Variants in CRIM1 observed in about 807,000 individuals in gnomAD.
CRIM1 encodes cysteine rich transmembrane BMP regulator 1, also known as cysteine-rich motor neuron 1 protein.
In CRIM1, 32 loss-of-function variants were observed where a neutral mutation model predicts 116.4. The observed-to-expected ratio is 0.27, with a 90% CI of 0.21 to 0.37. The LOEUF is 0.37. Ranked by LOEUF, CRIM1 falls within the 10% of genes least tolerant of loss-of-function variation. The pLI is 1.00. For synonymous variants in CRIM1, 590 were observed against 509.2 expected, an observed-to-expected ratio of 1.16 and a Z score of -2.13; for missense variants, 1,331 against 1,354.8, an observed-to-expected ratio of 0.98 and a Z score of 0.28.
intron 7 of CRIM1, among the ~76,000 whole-genome samples, chr2:36,489,177 T>C (rs1572855248): frequency 6.6e-6 from 1 of 152,234 alleles, no homozygotes; most frequent in East Asian, 1.9e-4. Context: ...TGCCCGTGCC[T>C]GTGCCTTTGT....
intron 1 of CRIM1, among the ~76,000 whole-genome samples, chr2:36,371,328 A>G (rs916219740): frequency 6.7e-6 from 1 of 149,326 alleles, no homozygotes; most frequent in African/African-American, 2.4e-5. Context: ...ATACTGTGTT[A>G]GAGTTCACAT....
intron 7 of CRIM1, among the ~76,000 whole-genome samples, chr2:36,480,907 A>G (rs1044501442): frequency 1.3e-5 from 2 of 152,192 alleles, no homozygotes; most frequent in Non-Finnish European, 2.9e-5. Context: ...AAAAAAGAGC[A>G]TGTAGAAATA....
intron 8 of CRIM1, among the ~76,000 whole-genome samples, chr2:36,504,571 G>T (rs565844012): frequency 1.3e-3 from 197 of 152,232 alleles, no homozygotes; most frequent in Middle Eastern, 3.4e-3. Context: ...AGTACTCCAG[G>T]ACATACAGAA....
chr2:36,525,448 T>G (rs900448168), intron 13 of CRIM1, among the ~76,000 whole-genome samples: 1 of 152,160 alleles, frequency 6.6e-6, no homozygotes, highest in African/African-American at 2.4e-5. Context: ...CCAAAGGCAG[T>G]TGCCAGCTGT....
chr2:36,379,942 A>G (rs1419802594), intron 1 of CRIM1, among the ~76,000 whole-genome samples: 1 of 150,862 alleles, frequency 6.6e-6, no homozygotes, highest in East Asian at 1.9e-4. Flanking sequence ...GGAGGAATGT[A>G]GACATTTAGT....
At chr2:36,357,573 G>T (rs368642793) in intron 1 of CRIM1, among the ~76,000 whole-genome samples, 1 of 152,156 alleles carries the variant, frequency 6.6e-6, no homozygotes, top group Non-Finnish European at 1.5e-5. Flanking sequence ...CAGGGTGCCT[G>T]GTCTGGTTTG....
intron 2 of CRIM1, among the ~76,000 whole-genome samples, chr2:36,426,676 G>T (rs1174686571): frequency 6.6e-6 from 1 of 152,126 alleles, no homozygotes; most frequent in Non-Finnish European, 1.5e-5. Flanking sequence ...TTCACATTGA[G>T]CCAGTCCATC....
rs192383587 is a variant in CRIM1, at chr2:36,505,695, C to T, written c.1502-4288C>T. Among the ~76,000 whole-genome samples the T allele has an allele frequency of 1.8e-3, 179 of 102,044 alleles. 1 individual carries two copies. Among genetic ancestry groups the T allele is most frequent in the African/African-American group, 6.8e-3 (176 of 25,798 alleles). The allele number at this position is 102,044 out of a possible 152,430, so 66.9% of individuals were successfully genotyped here. On this transcript the variant is annotated intron_variant, in intron 8 of 16. Transcript: ENST00000280527. ...AGACCTAAAACATTTCTAATAGTAA[C>T]AATTAAAGTAAGCATGAGTTATATA...
chr2:36,362,065 C>A (rs138021380), intron 1 of CRIM1, among the ~76,000 whole-genome samples: 1 of 151,976 alleles, frequency 6.6e-6, no homozygotes, highest in African/African-American at 2.4e-5. Context: ...CTAGGGAGCC[C>A]GGGGACCTCT....
Position 36,512,365 on chromosome 2 carries a change from G to C in CRIM1, c.1751G>C (p.Ser584Thr), listed in dbSNP as rs751721801. Reference protein sequence around the residue: ...KICPLGFQQDSHGCLICKCRE... With the variant: ...KICPLGFQQDTHGCLICKCRE... ...TGCCCCTTGGGTTTCCAGCAGGACA[G>C]TCACGGCTGTCTTATCTGCAAGTGC... The change falls in exon 10 of 17, where the codon AGT (serine) becomes ACT (threonine). Residue 584 changes from serine to threonine, a missense_variant. This residue lies in a region of CRIM1 where 358 missense variants were observed against 436.1 expected (regional missense o/e 0.82). Coordinates refer to ENST00000280527, the MANE Select transcript of CRIM1 (RefSeq NM_016441.3). 1 of 1,613,608 alleles carries C rather than the reference G, an allele frequency of 6.2e-7. No individual in the cohort carries two copies. Among genetic ancestry groups the C allele is most frequent in the Non-Finnish European group, 8.5e-7 (1 of 1,179,556 alleles).
In CRIM1 at chr2:36,477,000, C is replaced by G. The variant is rs780101636; in HGVS notation, c.1103C>G (p.Thr368Ser). 6.2e-7 allele frequency: 1 copy of G among 1,613,712 alleles called. No homozygotes were observed. The highest frequency in any genetic ancestry group is 8.5e-7 in the Non-Finnish European group (1 of 1,179,672). ...CAAGGGGGCGTTGCCATCTGCTTCA[C>G]CGCCCAGTGTGGTGAGATAAACTGC... ...RCQGGVAICFTAQCGEINCER... is the reference protein window; with the variant it reads ...RCQGGVAICFSAQCGEINCER... The change falls in exon 6 of 17, where the codon ACC becomes AGC. Residue 368 changes from threonine to serine, a missense_variant. Thr to Ser is a moderately conservative substitution (Grantham distance 58). Coordinates refer to ENST00000280527, the MANE Select transcript of CRIM1 (RefSeq NM_016441.3).
At position 36,441,405 on chromosome 2, in the gene CRIM1, T is replaced by C; in HGVS notation, c.653T>C (p.Leu218Pro). The C allele has an allele frequency of 6.2e-7, 1 of 1,614,190 alleles. No individual in the cohort carries two copies. Among genetic ancestry groups the C allele is most frequent in the Non-Finnish European group, 8.5e-7 (1 of 1,180,040 alleles). Reference protein sequence around the residue: ...SRCVCNPAGCLRKVCQPGNLN... With the variant: ...SRCVCNPAGCPRKVCQPGNLN... ...TGCGTGTGCAACCCCGCAGGCTGTCTGCGCAAAGTCTGCCAGCCGGGAAAC... is the reference window on the plus strand; with the variant it reads ...TGCGTGTGCAACCCCGCAGGCTGTCCGCGCAAAGTCTGCCAGCCGGGAAAC... The change falls in exon 3 of 17, where the codon CTG (leucine) becomes CCG (proline). Residue 218 changes from leucine to proline, a missense_variant. Around this residue, in one of 3 missense-constraint regions of CRIM1, gnomAD observed 690 missense variants for 676.0 expected, o/e 1.02. Coordinates refer to ENST00000280527, the MANE Select transcript of CRIM1 (RefSeq NM_016441.3).
At chr2:36,420,013 T>C (rs780744811) in intron 2 of CRIM1, among the ~76,000 whole-genome samples, 1 of 152,222 alleles carries the variant, frequency 6.6e-6, no homozygotes, top group Non-Finnish European at 1.5e-5. Flanking sequence ...TAAATGTTTG[T>C]CGCTTCTGAC....
rs950104358 is a variant in CRIM1 at position 36,396,497 on chromosome 2, C to G, written c.332-117C>G. 1.8e-5 allele frequency: 11 copies of G among 613,592 alleles called. 1 individual carries two copies. In the Admixed American group the frequency reaches 2.1e-4, roughly 11 times the overall value. 38.0% of individuals were successfully genotyped at this position (613,592 alleles called of 1,614,324 possible). On this transcript the variant is annotated intron_variant, in intron 1 of 16. Transcript: ENST00000280527. Reference sequence around the variant, plus strand: ...AAAGTTTCAGCCAGACTGCCTTTCACAAATTGATTTGTCAAAATTGAATGT... The same window carrying G: ...AAAGTTTCAGCCAGACTGCCTTTCAGAAATTGATTTGTCAAAATTGAATGT...
At chr2:36,380,907 C>T (rs1307043575) in intron 1 of CRIM1, among the ~76,000 whole-genome samples, 1 of 152,200 alleles carries the variant, frequency 6.6e-6, no homozygotes, top group East Asian at 1.9e-4. Context: ...ATATCTCGAC[C>T]ATGTCTGCAG....
chr2:36,444,259 G>A (rs1676078900), intron 4 of CRIM1, among the ~76,000 whole-genome samples: 1 of 152,146 alleles, frequency 6.6e-6, no homozygotes, highest in African/African-American at 2.4e-5. Context: ...GTCACTCTAG[G>A]GGGTTGAAAT....
chr2:36,542,607 G>A (rs1667025026), intron 14 of CRIM1, among the ~76,000 whole-genome samples: 1 of 152,200 alleles, frequency 6.6e-6, no homozygotes. Context: ...TGGAATTGGT[G>A]TCGCATTTGC....
chr2:36,475,892 A>T (rs1308164882), intron 5 of CRIM1, among the ~76,000 whole-genome samples: 1 of 152,026 alleles, frequency 6.6e-6, no homozygotes, highest in Non-Finnish European at 1.5e-5. Context: ...AATATTTTGG[A>T]TGTTAAACCA....
In CRIM1 at chr2:36,535,910, G is replaced by A. The variant is rs115494411; in HGVS notation, c.2429-1442G>A. 6.6e-3 allele frequency among the ~76,000 whole-genome samples: 998 copies of A among 152,306 alleles called. 11 individuals carry two copies. Among genetic ancestry groups the A allele is most frequent in the African/African-American group, 0.023 (949 of 41,568 alleles). ...TAGAGATGGCCTAAAGTATACAGGG[G>A]GATGTGAGTAGGTATATACAAATAC... On this transcript the variant is annotated intron_variant, in intron 13 of 16. Coordinates refer to ENST00000280527, the MANE Select transcript of CRIM1 (RefSeq NM_016441.3).
Sources: allele counts gnomAD v4.1 joint callset (sites outside exome capture counted in the v4.1 genomes callset), GRCh38; gene constraint gnomAD v4.1.1; regional missense constraint gnomAD v4.1.1; transcripts MANE v1.5; gene names NCBI Gene and HGNC (gene_info 2026-07-23, HGNC 2026-07-21).